Variants in RAB11FIP3 observed in about 807,000 individuals in gnomAD.
The protein encoded by RAB11FIP3 is rab11 family-interacting protein 3.
RAB11FIP3 carries 17 observed loss-of-function variants against 77.8 expected under a neutral mutation model. The ratio of observed to expected loss-of-function variants is 0.22; its 90% CI spans 0.15 to 0.33. The LOEUF (loss-of-function observed/expected upper bound fraction) is 0.33, where lower values mean the gene tolerates loss of function less well. Among genes scored for constraint, RAB11FIP3 ranks in the 10% least tolerant of loss-of-function variants. The probability of loss-of-function intolerance (pLI) is 1.00; values close to 1 mark genes in which losing one functional copy is unlikely to be tolerated. For missense variants in RAB11FIP3, 1,005 were observed against 1,011.2 expected, an observed-to-expected ratio of 0.99 and a Z score of 0.08; for synonymous variants, 437 against 448.2, an observed-to-expected ratio of 0.98 and a Z score of 0.31.
chr16:440,073 C>T (rs931717807), intron 1 of RAB11FIP3, among the ~76,000 whole-genome samples: 1 of 151,998 alleles, frequency 6.6e-6, no homozygotes, highest in African/African-American at 2.4e-5. Context: ...ATCTCCTGAC[C>T]TCATGATCCG....
At position 521,264 on chromosome 16, in the gene RAB11FIP3, CCT is replaced by C. The variant is rs2032673903; in HGVS notation, c.*426_*427del. 1 of 194,624 alleles carries C rather than the reference CCT, an allele frequency of 5.1e-6. No individual in the cohort carries two copies. Among genetic ancestry groups the C allele is most frequent in the Admixed American group, 5.3e-5 (1 of 18,722 alleles). The allele number at this position is 194,624 out of a possible 1,614,324, so 12.1% of individuals were successfully genotyped here. ...GGTGGTCCCTCTTCCCACGTGCAGC[CCT>C]GTTGGGAAGAAAGGAAGAAAACAGG... On this transcript the variant is annotated 3_prime_UTR_variant, in exon 14 of 14. Transcript: ENST00000262305.
At chr16:428,820 TTG>T (rs2054992842) in intron 1 of RAB11FIP3, among the ~76,000 whole-genome samples, 1 of 152,110 alleles carries the variant, frequency 6.6e-6, no homozygotes, top group Admixed American at 6.6e-5. Flanking sequence ...GGGAAAAACT[TTG>T]TGTTGCTATT....
chr16:495,273 C>T (rs568920919), intron 5 of RAB11FIP3, among the ~76,000 whole-genome samples: 13 of 152,108 alleles, frequency 8.5e-5, no homozygotes, highest in Admixed American at 3.3e-4. Flanking sequence ...CACCCAGGGC[C>T]GGGGCAGAGC....
At position 519,021 on chromosome 16, in the gene RAB11FIP3, G is replaced by C. The variant is rs1214533743; in HGVS notation, c.1719G>C (p.Glu573Asp). ...PCLKANIERL[E>D]EEKQKLLDEI... is the part of the protein sequence containing the mutation. ...TGAAGGCCAACATTGAGCGTCTGGA[G>C]GAGGTGAGCTGCCAACAGCCTGGAG... The change falls in exon 10 of 14, where the codon GAG (glutamate) becomes GAC (aspartate). Residue 573 changes from glutamate to aspartate, a missense_variant. Physicochemically the swap from Glu to Asp is conservative, Grantham distance 45 (BLOSUM62 2). This residue lies in a region of RAB11FIP3 where 433 missense variants were observed against 436.1 expected (regional missense o/e 0.99). Transcript: ENST00000262305. The C allele has an allele frequency of 1.2e-6, 2 of 1,613,246 alleles. No homozygotes were observed. Among genetic ancestry groups the C allele is most frequent in the Admixed American group, 1.7e-5 (1 of 60,034 alleles).
chr16:497,424 C>A, intron 6 of RAB11FIP3: 1 of 1,252,848 alleles, frequency 8.0e-7, no homozygotes, highest in South Asian at 1.4e-5. Flanking sequence ...AGTGTGGCTG[C>A]CGGGTGGCCT....
At chr16:427,153 C>A (rs780049230) in intron 1 of RAB11FIP3, among the ~76,000 whole-genome samples, 3 of 152,256 alleles carry the variant, frequency 2.0e-5, no homozygotes, top group Non-Finnish European at 4.4e-5. Flanking sequence ...CCGCAGAGGC[C>A]AGGCTGCCCA....
At chr16:480,286 C>CAA (rs56228402) in intron 3 of RAB11FIP3, among the ~76,000 whole-genome samples, 6 of 80,022 alleles carry the variant, frequency 7.5e-5, no homozygotes, top group African/African-American at 2.4e-4. Context: ...ACTCCTTCTC[C>CAA]AAAAAAAAAA....
rs891221277 is a variant in RAB11FIP3 at position 520,591 on chromosome 16, C to A, written c.2149C>A (p.Arg717=). 6.2e-7 allele frequency: 1 copy of A among 1,613,390 alleles called. No individual in the cohort carries two copies. ...SLAAEISSVS[R]DELMEAIQKQ... ...GGCTGCAGAGATCAGCTCCGTCTCC[C>A]GAGATGAGGTAACACATCCCGTGTC... The change falls in exon 13 of 14, where the codon CGA becomes AGA. Residue 717 remains arginine (R), a synonymous_variant. Coordinates refer to ENST00000262305, the MANE Select transcript of RAB11FIP3 (RefSeq NM_014700.4).
At chr16:510,059 G>T (rs563393949) in intron 8 of RAB11FIP3, among the ~76,000 whole-genome samples, 4 of 151,434 alleles carry the variant, frequency 2.6e-5, no homozygotes, top group African/African-American at 9.8e-5. Context: ...GGCTCTGAGC[G>T]CACGCGTTGT....
rs180970631 is a variant in RAB11FIP3 at position 520,612 on chromosome 16, G to A, written c.2157+13G>A. On this transcript the variant is annotated intron_variant, in intron 13 of 13. Coordinates refer to ENST00000262305, the MANE Select transcript of RAB11FIP3 (RefSeq NM_014700.4). ...CTCCCGAGATGAGGTAACACATCCC[G>A]TGTCTGCACGGTGTGGCCTGGGGTC... 9.3e-4 allele frequency: 1,502 copies of A among 1,612,556 alleles called. 2 individuals carry two copies. Among genetic ancestry groups the A allele is most frequent in the Non-Finnish European group, 1.1e-3 (1,340 of 1,179,312 alleles).
In RAB11FIP3 at chr16:506,264, G is replaced by A. The variant is rs569173881; in HGVS notation, c.1499+637G>A. 2.2e-4 allele frequency among the ~76,000 whole-genome samples: 33 copies of A among 152,238 alleles called. No homozygotes were observed. The highest frequency in any genetic ancestry group is 1.6e-3 in the Admixed American group (24 of 15,288). On this transcript the variant is annotated intron_variant, in intron 8 of 13. Coordinates refer to ENST00000262305, the MANE Select transcript of RAB11FIP3 (RefSeq NM_014700.4). This position sits in a 1 kb window ranked among gnomAD's most constrained non-coding sequence, Gnocchi z 4.5. ...AGGCACGCCATGTTGTCTCATAGCC[G>A]ATTTGCAGGACTGTTTCCGGTGCAA...
At chr16:501,187 G>A (rs2031492243) in intron 6 of RAB11FIP3, among the ~76,000 whole-genome samples, 1 of 152,240 alleles carries the variant, frequency 6.6e-6, no homozygotes, top group African/African-American at 2.4e-5. Context: ...CATTTTCAGT[G>A]GAAAAATATT....
intron 1 of RAB11FIP3, among the ~76,000 whole-genome samples, chr16:449,137 C>A (rs2055366380): frequency 6.6e-6 from 1 of 152,104 alleles, no homozygotes; most frequent in African/African-American, 2.4e-5. Flanking sequence ...TCACTTCCAG[C>A]TGCCGGCCCC....
rs1373165698 is a variant in RAB11FIP3, at chr16:514,897, A to G, written c.1641-4046A>G. The stretch of plus-strand genomic sequence containing the variant: ...CATCAGGCACAGAGTGAACTGGGTG[A>G]ACGTGGCCCTGGTGTGTGGTGCTTT... On this transcript the variant is annotated intron_variant, in intron 9 of 13. Coordinates refer to ENST00000262305, the MANE Select transcript of RAB11FIP3 (RefSeq NM_014700.4). The surrounding 1 kb of genome is among the most constrained non-coding windows in gnomAD (Gnocchi z 4.6). 6.6e-6 allele frequency among the ~76,000 whole-genome samples: 1 copy of G among 152,226 alleles called. No individual in the cohort carries two copies. The highest frequency in any genetic ancestry group is 1.5e-5 in the Non-Finnish European group (1 of 68,032).
In RAB11FIP3 at chr16:505,445, C is replaced by A; in HGVS notation, c.1396-79C>A. 2.7e-6 allele frequency: 3 copies of A among 1,119,626 alleles called. No homozygotes were observed. Among genetic ancestry groups the A allele is most frequent in the African/African-American group, 1.6e-5 (1 of 64,198 alleles). The allele number at this position is 1,119,626 out of a possible 1,614,324, so 69.4% of individuals were successfully genotyped here. A position where few individuals can be genotyped will look rare whatever the true frequency, so the allele number is the denominator to read the frequency against. ...CTGTGCTGAGAAAATCCCCAGGCGGCCTCCCAGGTTGTTCCCTTGGGGGTG... is the reference window on the plus strand; with the variant it reads ...CTGTGCTGAGAAAATCCCCAGGCGGACTCCCAGGTTGTTCCCTTGGGGGTG... On this transcript the variant is annotated intron_variant, in intron 7 of 13. Coordinates refer to ENST00000262305, the MANE Select transcript of RAB11FIP3 (RefSeq NM_014700.4). This position sits in a 1 kb window ranked among gnomAD's most constrained non-coding sequence, Gnocchi z 4.0.
chr16:441,902 C>G (rs1323723527), intron 1 of RAB11FIP3, among the ~76,000 whole-genome samples: 11 of 152,250 alleles, frequency 7.2e-5, no homozygotes, highest in Non-Finnish European at 1.3e-4. Context: ...GCAGTGGCAC[C>G]ATGTTGGCTC....
chr16:443,215 G>A (rs1378516701), intron 1 of RAB11FIP3, among the ~76,000 whole-genome samples: 1 of 152,110 alleles, frequency 6.6e-6, no homozygotes, highest in East Asian at 1.9e-4. Context: ...CCAAGCAGGA[G>A]GAGTCTTGGC....
chr16:481,487 G>A (rs887263126), intron 3 of RAB11FIP3, among the ~76,000 whole-genome samples: 1 of 152,154 alleles, frequency 6.6e-6, no homozygotes, highest in South Asian at 2.1e-4. Flanking sequence ...TTCCAGTCTG[G>A]GCGATAAGAG....
intron 9 of RAB11FIP3, among the ~76,000 whole-genome samples, chr16:518,268 T>TG (rs2032509416): frequency 6.6e-6 from 1 of 152,150 alleles, no homozygotes; most frequent in African/African-American, 2.4e-5. Context: ...TTTATAGAGA[T>TG]GGGGGTCTCA....
Sources: gnomAD v4.1 joint callset for allele counts (sites outside exome capture counted in the v4.1 genomes callset) on GRCh38, gnomAD v4.1.1 for gene constraint, gnomAD v4.1.1 regional missense constraint, Gnocchi (gnomAD v3.1) non-coding constraint, MANE v1.5 for transcripts, NCBI Gene and HGNC (gene_info 2026-07-23, HGNC 2026-07-21) for gene names.